CLPB: variants seen among roughly 807,000 people sequenced by gnomAD.
CLPB encodes the protein ClpB family mitochondrial disaggregase.
In CLPB, 40 loss-of-function variants were observed where a neutral mutation model predicts 78.4. That is an observed-to-expected ratio of 0.51 (90% CI 0.40 to 0.66). CLPB has a LOEUF of 0.66. Among genes scored for constraint, CLPB ranks in the 30% least tolerant of loss-of-function variants. The pLI is 0.00. For missense variants in CLPB, 780 were observed against 886.9 expected (o/e 0.88, Z 1.53); for synonymous variants, 333 against 348.0 (o/e 0.96, Z 0.48).
chr11:72,359,918 C>T (rs1021017725), intron 4 of CLPB, among the ~76,000 whole-genome samples: 12 of 152,288 alleles, frequency 7.9e-5, no homozygotes, highest in African/African-American at 2.9e-4. Context: ...TAAAACCAGT[C>T]CATCATTTTT....
intron 4 of CLPB, among the ~76,000 whole-genome samples, chr11:72,368,869 T>C (rs1432353913): frequency 6.6e-6 from 1 of 152,224 alleles, no homozygotes; most frequent in Non-Finnish European, 1.5e-5. Flanking sequence ...ACATCATGCT[T>C]TCTGCCCATG....
intron 5 of CLPB, among the ~76,000 whole-genome samples, chr11:72,341,191 A>G (rs1377428007): frequency 6.6e-6 from 1 of 152,126 alleles, no homozygotes; most frequent in Non-Finnish European, 1.5e-5. Flanking sequence ...AACTGTTGTT[A>G]TTTTTCCTTC....
chr11:72,418,393 G>C (rs1016594350), intron 2 of CLPB, among the ~76,000 whole-genome samples: 1 of 152,214 alleles, frequency 6.6e-6, no homozygotes, highest in Admixed American at 6.5e-5. Flanking sequence ...CACAGCAATG[G>C]TGTGAGGCAG....
chr11:72,388,003 G>A (rs1231695730), intron 3 of CLPB, among the ~76,000 whole-genome samples: 2 of 152,164 alleles, frequency 1.3e-5, no homozygotes, highest in Non-Finnish European at 2.9e-5. Context: ...AGGTTCATGA[G>A]TATTGATTTC....
intron 4 of CLPB, among the ~76,000 whole-genome samples, chr11:72,362,069 TC>T (rs1266641304): frequency 1.3e-5 from 2 of 152,218 alleles, no homozygotes; most frequent in African/African-American, 4.8e-5. Context: ...GTCTCATCTC[TC>T]ATCATCACCT....
chr11:72,331,265 G>A (rs58199047), intron 5 of CLPB, among the ~76,000 whole-genome samples: 4,723 of 151,918 alleles, frequency 0.031, 194 homozygotes, highest in African/African-American at 0.095. Flanking sequence ...TTAGCCGGGC[G>A]TGGTGGTAGG....
intron 3 of CLPB, among the ~76,000 whole-genome samples, chr11:72,384,905 T>A (rs753356243): frequency 2.0e-5 from 3 of 152,202 alleles, no homozygotes; most frequent in Non-Finnish European, 2.9e-5. Flanking sequence ...AAGCAACTAT[T>A]AATCAATGGG....
chr11:72,417,151 T>G (rs1202262950), intron 2 of CLPB, among the ~76,000 whole-genome samples: 2 of 152,170 alleles, frequency 1.3e-5, no homozygotes, highest in Non-Finnish European at 1.5e-5. Context: ...TCATAATAGC[T>G]AAAAAGTGGA....
intron 3 of CLPB, among the ~76,000 whole-genome samples, chr11:72,393,540 C>A (rs1855314586): frequency 6.6e-6 from 1 of 152,158 alleles, no homozygotes; most frequent in African/African-American, 2.4e-5. Context: ...GTCTTCAACA[C>A]AGGCAGCTTC....
chr11:72,299,296 T>C (rs1367041477), intron 11 of CLPB, among the ~76,000 whole-genome samples: 1 of 152,268 alleles, frequency 6.6e-6, no homozygotes, highest in African/African-American at 2.4e-5. Flanking sequence ...ATCCATTCTT[T>C]ACACAGCTGC....
At position 72,434,174 on chromosome 11, in the gene CLPB, G is replaced by A; in HGVS notation, c.301C>T (p.Gln101Ter). The A allele has an allele frequency of 6.2e-7, 1 of 1,613,278 alleles. No homozygotes were observed. The highest frequency in any genetic ancestry group is 8.5e-7 in the Non-Finnish European group (1 of 1,180,012). The stretch of plus-strand genomic sequence containing the variant: ...CTGGGGACCCCGTTCCAGCTGTCCT[G>A]TCCTGGGAGTGTTTCTTCGGGACCA... ...LPGPEETLPG[Q>*]DSWNGVPSRA... Residue 101 changes from glutamine (Q) to a stop codon, truncating the protein, a stop_gained, in exon 1 of 16, where the codon CAG becomes TAG. Transcript: ENST00000538039. LOFTEE classifies it high-confidence loss of function.
Position 72,291,697 on chromosome 11 carries a change from A to G in CLPB, c.*1670T>C, listed in dbSNP as rs1464339684. 1 of 152,054 alleles carries G rather than the reference A, an allele frequency of 6.6e-6. No individual in the cohort carries two copies. Among genetic ancestry groups the G allele is most frequent in the Non-Finnish European group, 1.5e-5 (1 of 68,010 alleles). The allele number at this position is 152,054 out of a possible 1,614,324, so 9.4% of individuals were successfully genotyped here. On this transcript the variant is annotated 3_prime_UTR_variant, in exon 16 of 16. Coordinates refer to ENST00000538039, the MANE Select transcript of CLPB (RefSeq NM_001258392.3). Reference sequence around the variant, plus strand: ...GAAAGATACATGGGAATTTTCTACTATTTCTGCAACTTTCTCTAAGTCTAA... The same window carrying G: ...GAAAGATACATGGGAATTTTCTACTGTTTCTGCAACTTTCTCTAAGTCTAA...
intron 5 of CLPB, among the ~76,000 whole-genome samples, chr11:72,338,587 T>G (rs1240299630): frequency 6.6e-6 from 1 of 152,230 alleles, no homozygotes; most frequent in East Asian, 1.9e-4. Context: ...TCAGACTTTA[T>G]GTTCTGCAGA....
At chr11:72,356,828 C>G (rs191062116) in intron 5 of CLPB, 2 of 152,192 alleles carry the variant, frequency 1.3e-5, no homozygotes, top group African/African-American at 4.8e-5. Flanking sequence ...AAAGTGAATT[C>G]TCTTGTCTGG....
At chr11:72,359,258 T>C (rs1950788308) in intron 4 of CLPB, 2 of 636,468 alleles carry the variant, frequency 3.1e-6, no homozygotes, top group African/African-American at 1.8e-5. Context: ...ATAGATCAGA[T>C]AAGGTCCCTG....
chr11:72,327,448 C>A (rs142437074), intron 6 of CLPB, among the ~76,000 whole-genome samples: 1 of 152,218 alleles, frequency 6.6e-6, no homozygotes, highest in African/African-American at 2.4e-5. Context: ...GGGATTGCAA[C>A]TGCCATTTGT....
intron 1 of CLPB, among the ~76,000 whole-genome samples, chr11:72,432,507 A>G (rs1285870626): frequency 1.3e-5 from 2 of 152,062 alleles, no homozygotes; most frequent in Admixed American, 6.5e-5. Context: ...CCAACGACAC[A>G]TAGCACCACT....
intron 2 of CLPB, among the ~76,000 whole-genome samples, chr11:72,414,876 T>C (rs1394892770): frequency 6.6e-6 from 1 of 152,154 alleles, no homozygotes; most frequent in Non-Finnish European, 1.5e-5. Flanking sequence ...TCTCATTTGA[T>C]CCTCTGAAAG....
chr11:72,402,870 A>G, intron 3 of CLPB, 96 bp downstream of exon 3: 1 of 950,282 alleles, frequency 1.1e-6, no homozygotes, highest in East Asian at 2.4e-5. Flanking sequence ...GCCTCTGGAA[A>G]AGACAGCAGG....
Sources: allele counts gnomAD v4.1 joint callset (sites outside exome capture counted in the v4.1 genomes callset), GRCh38; gene constraint gnomAD v4.1.1; transcripts MANE v1.5; gene names NCBI Gene and HGNC (gene_info 2026-07-23, HGNC 2026-07-21).